The following RBFOX1 variants were observed in gnomAD, a reference collection of about 807,000 sequenced individuals.
The protein encoded by RBFOX1 is RNA binding fox-1 homolog 1, also known as RNA binding protein fox-1 homolog 1.
Under a neutral mutation model 57.7 loss-of-function variants are expected in RBFOX1, and 8 were observed. The ratio of observed to expected loss-of-function variants is 0.14; its 90% confidence interval spans 0.08 to 0.25. RBFOX1 has a LOEUF of 0.25. Among genes scored for constraint, RBFOX1 ranks in the 10% least tolerant of loss-of-function variants. The pLI, the probability that RBFOX1 is intolerant of heterozygous loss-of-function variation, is 1.00. For missense variants in RBFOX1, 611 were observed against 548.5 expected, an observed-to-expected ratio of 1.11 and a Z score of -1.14; for synonymous variants, 326 against 222.4, an observed-to-expected ratio of 1.47 and a Z score of -4.15.
intron 2 of RBFOX1, among the ~76,000 whole-genome samples, chr16:6,392,690 TC>T (rs1364398818): frequency 6.6e-6 from 1 of 152,210 alleles, no homozygotes; most frequent in East Asian, 1.9e-4. Flanking sequence ...TAGATGTTGT[TC>T]CATAAATATC....
intron 4 of RBFOX1, among the ~76,000 whole-genome samples, chr16:7,489,762 C>A (rs147315086): frequency 2.6e-5 from 4 of 151,308 alleles, no homozygotes; most frequent in African/African-American, 9.7e-5. Context: ...CTCAAGTGAT[C>A]CTCCCAACTC....
At chr16:5,470,320 A>T (rs904878234) in intron 2 of RBFOX1, among the ~76,000 whole-genome samples, 4 of 152,192 alleles carry the variant, frequency 2.6e-5, no homozygotes, top group Non-Finnish European at 5.9e-5. Flanking sequence ...TCTCACCTAG[A>T]GGGACCAAAT....
At chr16:7,523,190 G>A (rs1187691754) in intron 5 of RBFOX1, among the ~76,000 whole-genome samples, 3 of 152,186 alleles carry the variant, frequency 2.0e-5, no homozygotes, top group East Asian at 3.8e-4. Context: ...TCATTGCTGA[G>A]TACTGTTTCT....
At chr16:7,482,671 T>A (rs914850369) in intron 4 of RBFOX1, among the ~76,000 whole-genome samples, 2 of 151,594 alleles carry the variant, frequency 1.3e-5, no homozygotes, top group Admixed American at 1.3e-4. Context: ...AGGCATTTCT[T>A]ATCAGGGAGA....
intron 4 of RBFOX1, chr16:5,867,376 G>A (rs1467957852): frequency 8.8e-7 from 1 of 1,133,558 alleles, no homozygotes; most frequent in Non-Finnish European, 1.1e-6. Context: ...AAGATAGTTT[G>A]AAGTGGGTTT....
intron 1 of RBFOX1, among the ~76,000 whole-genome samples, chr16:5,388,764 A>G (rs889742255): frequency 6.6e-6 from 1 of 151,674 alleles, no homozygotes; most frequent in Non-Finnish European, 1.5e-5. Context: ...TTTAATAGAG[A>G]CAGGGTTTCA....
intron 4 of RBFOX1, among the ~76,000 whole-genome samples, chr16:7,412,331 C>G (rs2098437327): frequency 6.7e-6 from 1 of 150,086 alleles, no homozygotes; most frequent in Non-Finnish European, 1.5e-5. Flanking sequence ...AGGAGAATCA[C>G]TTGAACCTAG....
At chr16:5,586,736 G>T (rs1054701944) in intron 2 of RBFOX1, among the ~76,000 whole-genome samples, 1 of 152,146 alleles carries the variant, frequency 6.6e-6, no homozygotes, top group African/African-American at 2.4e-5. Flanking sequence ...TGGCGTCAAT[G>T]ATCTCCCACC....
At chr16:6,571,888 A>C (rs1039385208) in intron 2 of RBFOX1, among the ~76,000 whole-genome samples, 10 of 151,532 alleles carry the variant, frequency 6.6e-5, no homozygotes, top group African/African-American at 2.5e-4. Flanking sequence ...AGTTTTTACA[A>C]CTGTTGGTAA....
At chr16:6,444,331 G>T (rs1336737321) in intron 2 of RBFOX1, among the ~76,000 whole-genome samples, 1 of 152,068 alleles carries the variant, frequency 6.6e-6, no homozygotes, top group Admixed American at 6.6e-5. Flanking sequence ...CAGAAGGTTT[G>T]ACATGGTTTG....
intron 4 of RBFOX1, among the ~76,000 whole-genome samples, chr16:7,479,243 C>G (rs919616111): frequency 6.6e-6 from 1 of 151,882 alleles, no homozygotes; most frequent in African/African-American, 2.4e-5. Flanking sequence ...CCTGCCTCAG[C>G]CTCCCGAGTC....
At chr16:5,648,416 C>T (rs2049118732) in intron 3 of RBFOX1, among the ~76,000 whole-genome samples, 1 of 152,188 alleles carries the variant, frequency 6.6e-6, no homozygotes, top group Non-Finnish European at 1.5e-5. Flanking sequence ...GAAGAGGGGA[C>T]ACTGGGCTGA....
intron 4 of RBFOX1, among the ~76,000 whole-genome samples, chr16:7,133,057 G>A (rs1162188005): frequency 6.6e-6 from 1 of 152,108 alleles, no homozygotes; most frequent in Non-Finnish European, 1.5e-5. Flanking sequence ...ATTTTCTTGC[G>A]TTTCAGAAGT....
intron 4 of RBFOX1, among the ~76,000 whole-genome samples, chr16:7,077,095 A>G (rs762725021): frequency 3.9e-5 from 6 of 152,160 alleles, no homozygotes; most frequent in Non-Finnish European, 8.8e-5. Context: ...CTCCTGATGC[A>G]CTTATAATTT....
chr16:6,957,082 T>G (rs1302765590), intron 3 of RBFOX1, among the ~76,000 whole-genome samples: 2 of 149,314 alleles, frequency 1.3e-5, no homozygotes, highest in African/African-American at 5.0e-5. Flanking sequence ...TTGCCCATGT[T>G]TTTTGGTTAT....
chr16:7,419,074 T>A (rs2098513595), intron 4 of RBFOX1, among the ~76,000 whole-genome samples: 1 of 152,080 alleles, frequency 6.6e-6, no homozygotes, highest in Non-Finnish European at 1.5e-5. Context: ...CCAGATAGTT[T>A]TTTTTGTATT....
chr16:7,237,365 G>T (rs1418078328), intron 4 of RBFOX1, among the ~76,000 whole-genome samples: 1 of 152,174 alleles, frequency 6.6e-6, no homozygotes, highest in African/African-American at 2.4e-5. Flanking sequence ...TTAATTGAGT[G>T]TTCTGTACAT....
intron 2 of RBFOX1, among the ~76,000 whole-genome samples, chr16:6,443,845 C>CCCATCCAT (rs941937640): frequency 1.4e-5 from 2 of 147,366 alleles, no homozygotes; most frequent in African/African-American, 5.4e-5. Flanking sequence ...CATCCATGCA[C>CCCATCCAT]CCATCCATCC....
chr16:6,154,971 G>C lies in RBFOX1; in HGVS notation c.-127+134979G>C, dbSNP rs368702521. 2.0e-5 allele frequency among the ~76,000 whole-genome samples: 3 copies of C among 152,174 alleles called. No homozygotes were observed. In the East Asian group the frequency reaches 5.8e-4, roughly 29 times the overall value. The stretch of plus-strand genomic sequence containing the variant: ...AATATTCAAAATGGTTTTGTTTTTT[G>C]TTTTACTGAATATTCTCAATGCTTC... On this transcript the variant is annotated intron_variant, in intron 1 of 15. Transcript: ENST00000550418.
Sources: allele counts gnomAD v4.1 joint callset (sites outside exome capture counted in the v4.1 genomes callset), GRCh38; gene constraint gnomAD v4.1.1; transcripts MANE v1.5; gene names NCBI Gene and HGNC (gene_info 2026-07-23, HGNC 2026-07-21).